Variants in SLIRP observed in about 807,000 individuals in gnomAD.
SLIRP encodes the protein SRA stem-loop interacting RNA binding protein, also known as SRA stem-loop-interacting RNA-binding protein, mitochondrial.
SLIRP carries 12 observed loss-of-function variants against 13.4 expected under a neutral mutation model. That is an observed-to-expected ratio of 0.89 (90% CI 0.57 to 1.45). The LOEUF (loss-of-function observed/expected upper bound fraction) is 1.45. Ranked by LOEUF, SLIRP falls within the 40% of genes most tolerant of loss-of-function variation. The pLI, the probability that SLIRP is intolerant of heterozygous loss-of-function variation, is 0.00. For synonymous variants in SLIRP, 55 were observed against 47.1 expected (o/e 1.17, Z -0.69); for missense variants, 154 against 132.2 (o/e 1.17, Z -0.81).
At chr14:77,716,870 T>G (rs1595068905) in intron 3 of SLIRP, among the ~76,000 whole-genome samples, 1 of 152,162 alleles carries the variant, frequency 6.6e-6, no homozygotes, top group East Asian at 2.0e-4. Flanking sequence ...CAAGCGATTC[T>G]CCTGCCTCAA....
At chr14:77,717,092 C>T (rs2080491163) in intron 3 of SLIRP, among the ~76,000 whole-genome samples, 1 of 152,100 alleles carries the variant, frequency 6.6e-6, no homozygotes, top group Non-Finnish European at 1.5e-5. Context: ...GTCAGGCAAG[C>T]TGGGGCTGAA....
chr14:77,716,491 T>TA (rs1182444747), intron 3 of SLIRP: 1 of 147,388 alleles, frequency 6.8e-6, no homozygotes, highest in Non-Finnish European at 1.5e-5. Context: ...CTACTAAAAA[T>TA]ACAAAAAAAA....
chr14:77,710,363 A>G lies in SLIRP; in HGVS notation c.98-475A>G, dbSNP rs117698940. ...CCGCAGGACAGATAAAGATAATTCA[A>G]TTAGTTGTACTAGAGAGTAACTAGG... On this transcript the variant is annotated intron_variant, in intron 1 of 3. Transcript: ENST00000557342. Among the ~76,000 whole-genome samples the G allele has an allele frequency of 5.6e-3, 857 of 152,292 alleles. 4 individuals are homozygous for G. The highest frequency in any genetic ancestry group is 8.5e-3 in the Non-Finnish European group (581 of 68,026).
chr14:77,713,543 T>C (rs1485434604), intron 2 of SLIRP, among the ~76,000 whole-genome samples: 1 of 152,210 alleles, frequency 6.6e-6, no homozygotes, highest in African/African-American at 2.4e-5. Context: ...CCTTCAGTTC[T>C]GTTGTGTAGT....
chr14:77,710,285 A>G (rs1239579673), intron 1 of SLIRP, among the ~76,000 whole-genome samples: 1 of 152,140 alleles, frequency 6.6e-6, no homozygotes, highest in Non-Finnish European at 1.5e-5. Flanking sequence ...CCAGGGGGAG[A>G]TAGGATTACC....
intron 1 of SLIRP, chr14:77,710,511 C>T (rs2080431613): frequency 1.7e-6 from 2 of 1,176,812 alleles, no homozygotes; most frequent in South Asian, 2.6e-5. Flanking sequence ...GGGAAACACA[C>T]TGGATTGTAA....
In SLIRP at chr14:77,710,857, T is replaced by C. The variant is rs1475072411; in HGVS notation, c.117T>C (p.Phe39=). The C allele has an allele frequency of 1.2e-6, 2 of 1,614,178 alleles. No individual in the cohort carries two copies. The highest frequency in any genetic ancestry group is 3.3e-5 in the Admixed American group (2 of 60,022). ...ACACAGGTCAGCTGAAAGAACACTT[T>C]GCACAGTTCGGCCATGTCAGAAGGT... ...TAASSQLKEH[F]AQFGHVRRCI... is the part of the protein sequence containing the mutation. The change falls in exon 2 of 4, where the codon TTT becomes TTC. Residue 39 remains phenylalanine (F), a synonymous_variant. Transcript: ENST00000557342.
intron 1 of SLIRP, among the ~76,000 whole-genome samples, chr14:77,709,225 T>C (rs537870226): frequency 6.3e-4 from 96 of 152,358 alleles, no homozygotes; most frequent in Non-Finnish European, 1.2e-3. Context: ...GATGAGGTTT[T>C]TATATTTGCT....
intron 1 of SLIRP, 165 bp from the exon 2 acceptor site, chr14:77,710,673 A>G: frequency 6.5e-7 from 1 of 1,547,060 alleles, no homozygotes; most frequent in Non-Finnish European, 8.7e-7. Context: ...CTGGTACATT[A>G]TGGCTTTATA....
In SLIRP at chr14:77,708,128, C is replaced by T. The variant is rs760301741; in HGVS notation, c.17C>T (p.Ala6Val). MAASA[A>V]RGAAALRRSI... ...AGTCTGAAGATGGCGGCCTCAGCAGCGAGAGGTGCTGCGGCGCTGCGTAGA... is the reference window on the plus strand; with the variant it reads ...AGTCTGAAGATGGCGGCCTCAGCAGTGAGAGGTGCTGCGGCGCTGCGTAGA... Residue 6 changes from alanine to valine, a missense_variant, in exon 1 of 4, where the codon GCG becomes GTG. Transcript: ENST00000557342. 2.0e-5 allele frequency: 33 copies of T among 1,613,974 alleles called. 1 individual carries two copies. The highest frequency in any genetic ancestry group is 9.3e-5 in the African/African-American group (7 of 74,892).
At chr14:77,710,670 A>T (rs2080432925) in intron 1 of SLIRP, 168 bp from the exon 2 acceptor site, 1 of 1,545,664 alleles carries the variant, frequency 6.5e-7, no homozygotes, top group Non-Finnish European at 8.7e-7. Context: ...AGTCTGGTAC[A>T]TTATGGCTTT....
chr14:77,708,247 T>G, intron 1 of SLIRP, 39 bp downstream of exon 1: 1 of 1,589,422 alleles, frequency 6.3e-7, no homozygotes, highest in Non-Finnish European at 8.6e-7. Flanking sequence ...AATTTTTAGG[T>G]CCAAGTGATC....
intron 1 of SLIRP, among the ~76,000 whole-genome samples, chr14:77,709,422 C>T (rs771381299): frequency 2.0e-5 from 3 of 152,152 alleles, no homozygotes; most frequent in Non-Finnish European, 2.9e-5. Context: ...GAAGACCAAG[C>T]CCAGTAAAGT....
intron 2 of SLIRP, among the ~76,000 whole-genome samples, chr14:77,714,335 C>T (rs927567165): frequency 6.6e-6 from 1 of 152,182 alleles, no homozygotes; most frequent in African/African-American, 2.4e-5. Flanking sequence ...CAGCCTTGCT[C>T]TGTCGCCCAG....
intron 1 of SLIRP, 68 bp downstream of exon 1, chr14:77,708,276 T>A: frequency 6.6e-7 from 1 of 1,506,168 alleles, no homozygotes; most frequent in Non-Finnish European, 9.2e-7. Flanking sequence ...TTCTGCTTTT[T>A]GCAGGGTACT....
At chr14:77,716,697 T>C (rs907142491) in intron 3 of SLIRP, among the ~76,000 whole-genome samples, 3 of 148,726 alleles carry the variant, frequency 2.0e-5, no homozygotes, top group African/African-American at 7.5e-5. Context: ...TTTTAAAAGG[T>C]CCAGGAAAGT....
At chr14:77,715,675 G>T (rs552920075) in intron 2 of SLIRP, 97 bp from the exon 3 acceptor site, 8 of 1,022,072 alleles carry the variant, frequency 7.8e-6, no homozygotes, top group Non-Finnish European at 1.2e-5. Flanking sequence ...TAAAAAGTCC[G>T]ATTTTTGGCA....
chr14:77,716,203 C>T, intron 3 of SLIRP: 1 of 177,116 alleles, frequency 5.6e-6, no homozygotes, highest in Non-Finnish European at 1.2e-5. Context: ...GTAGTCCCAG[C>T]TACTCGGGAG....
chr14:77,712,932 G>A (rs1056519253), intron 2 of SLIRP, among the ~76,000 whole-genome samples: 5 of 152,126 alleles, frequency 3.3e-5, no homozygotes, highest in Admixed American at 2.6e-4. Flanking sequence ...GCTTAAGATG[G>A]CATCTTATAC....
Sources: gnomAD v4.1 joint callset for allele counts (sites outside exome capture counted in the v4.1 genomes callset) on GRCh38, gnomAD v4.1.1 for gene constraint, MANE v1.5 for transcripts, NCBI Gene and HGNC (gene_info 2026-07-23, HGNC 2026-07-21) for gene names.